The following MARCHF1 variants were observed in gnomAD, a reference collection of about 807,000 sequenced individuals.
MARCHF1 encodes membrane associated ring-CH-type finger 1, also known as E3 ubiquitin-protein ligase MARCHF1.
MARCHF1 carries 40 observed loss-of-function variants against 54.2 expected under a neutral mutation model. That is an observed-to-expected ratio of 0.74 (90% CI 0.57 to 0.96). The LOEUF is 0.96. Among genes scored for constraint, MARCHF1 ranks in the 40% least tolerant of loss-of-function variants. The pLI, the probability that MARCHF1 is intolerant of heterozygous loss-of-function variation, is 0.00. For synonymous variants in MARCHF1, 236 were observed against 236.3 expected (o/e 1.00, Z 0.01); for missense variants, 586 against 656.5 (o/e 0.89, Z 1.17).
chr4:163,645,974 G>A (rs1742745056), intron 5 of MARCHF1, among the ~76,000 whole-genome samples: 1 of 152,142 alleles, frequency 6.6e-6, no homozygotes, highest in African/African-American at 2.4e-5. Context: ...AAGGAATACT[G>A]TCTGAAAACT....
intron 2 of MARCHF1, among the ~76,000 whole-genome samples, chr4:164,029,612 T>G (rs983473661): frequency 4.4e-4 from 67 of 152,176 alleles, no homozygotes; most frequent in African/African-American, 1.6e-3. Context: ...TTTTTCTTTT[T>G]GAGATGCAGT....
chr4:163,742,189 A>G (rs1159456788), intron 4 of MARCHF1, among the ~76,000 whole-genome samples: 2 of 152,166 alleles, frequency 1.3e-5, no homozygotes, highest in East Asian at 3.8e-4. Flanking sequence ...TACCACATCC[A>G]CCAGTTGATC....
At chr4:163,864,733 A>C (rs923865317) in intron 3 of MARCHF1, among the ~76,000 whole-genome samples, 5 of 151,942 alleles carry the variant, frequency 3.3e-5, no homozygotes, top group Admixed American at 6.6e-5. Flanking sequence ...GTCGGTGAAA[A>C]CTACATCTTA....
At chr4:163,808,599 C>T (rs1284928766) in intron 4 of MARCHF1, among the ~76,000 whole-genome samples, 1 of 152,094 alleles carries the variant, frequency 6.6e-6, no homozygotes, top group Non-Finnish European at 1.5e-5. Flanking sequence ...GACAGAGTCT[C>T]CCTTTGTCAC....
chr4:163,840,401 T>C (rs1749303747), intron 4 of MARCHF1, among the ~76,000 whole-genome samples: 1 of 152,084 alleles, frequency 6.6e-6, no homozygotes, highest in Non-Finnish European at 1.5e-5. Context: ...TAAATTCAAC[T>C]TTTATTTGAT....
intron 2 of MARCHF1, among the ~76,000 whole-genome samples, chr4:164,001,505 G>T (rs572311343): frequency 4.6e-5 from 7 of 151,706 alleles, no homozygotes; most frequent in African/African-American, 1.7e-4. Context: ...TGCAACTGTC[G>T]CTATAAACTA....
At chr4:163,744,280 T>C (rs573166512) in intron 4 of MARCHF1, among the ~76,000 whole-genome samples, 1 of 152,316 alleles carries the variant, frequency 6.6e-6, no homozygotes, top group East Asian at 1.9e-4. Context: ...AGGGTTAGGT[T>C]TTTCATATTT....
chr4:163,719,788 T>C (rs1351113189), intron 4 of MARCHF1, among the ~76,000 whole-genome samples: 4 of 152,220 alleles, frequency 2.6e-5, no homozygotes, highest in Non-Finnish European at 4.4e-5. Context: ...CCAGTGATGA[T>C]GAGCATTTTT....
In MARCHF1 at chr4:163,854,128, G is replaced by A. The variant is rs1235221265; in HGVS notation, c.4C>T (p.Leu2=). 2.6e-6 allele frequency: 4 copies of A among 1,533,772 alleles called. No individual in the cohort carries two copies. In the South Asian group the frequency reaches 4.8e-5, roughly 18 times the overall value. M[L]GWCEAIARNP... ...CGGGCTATCGCTTCACACCAGCCCA[G>A]CATTTTCTCCTTCCTCTTATCCCTT... is the stretch of plus-strand genomic sequence containing the variant. Residue 2 remains leucine, a synonymous_variant, in exon 4 of 10, where the codon CTG becomes TTG. Coordinates refer to ENST00000514618, the MANE Select transcript of MARCHF1 (RefSeq NM_001394959.1).
intron 4 of MARCHF1, among the ~76,000 whole-genome samples, chr4:163,811,484 T>G (rs1748384302): frequency 6.9e-6 from 1 of 145,138 alleles, no homozygotes; most frequent in Non-Finnish European, 1.5e-5. Flanking sequence ...AGCAACATAG[T>G]GAGAAAGAAA....
At chr4:164,245,416 C>G (rs1406776216) in intron 1 of MARCHF1, among the ~76,000 whole-genome samples, 5 of 152,230 alleles carry the variant, frequency 3.3e-5, no homozygotes, top group Non-Finnish European at 5.9e-5. Context: ...ATGCTAAAAA[C>G]TCTCAATAAA....
At chr4:163,685,049 A>G (rs1244730724) in intron 5 of MARCHF1, among the ~76,000 whole-genome samples, 2 of 151,122 alleles carry the variant, frequency 1.3e-5, no homozygotes, top group East Asian at 3.9e-4. Flanking sequence ...TTATTTTGTT[A>G]GGTAAAATTT....
chr4:164,319,967 T>C (rs532322904), intron 1 of MARCHF1, among the ~76,000 whole-genome samples: 1 of 152,236 alleles, frequency 6.6e-6, no homozygotes, highest in African/African-American at 2.4e-5. Context: ...CATTTTAAGA[T>C]TAACATATGT....
chr4:163,754,866 A>G (rs1746621514), intron 4 of MARCHF1, among the ~76,000 whole-genome samples: 1 of 152,158 alleles, frequency 6.6e-6, no homozygotes, highest in African/African-American at 2.4e-5. Context: ...GGCAAATAGA[A>G]AAGGAAGCAG....
At chr4:164,251,838 C>T (rs1388329020) in intron 1 of MARCHF1, among the ~76,000 whole-genome samples, 2 of 151,936 alleles carry the variant, frequency 1.3e-5, no homozygotes, top group Non-Finnish European at 2.9e-5. Flanking sequence ...GGATAACTGA[C>T]AATTCAAATT....
intron 2 of MARCHF1, among the ~76,000 whole-genome samples, chr4:164,027,387 A>AC (rs1406897454): frequency 6.9e-6 from 1 of 145,242 alleles, no homozygotes; most frequent in African/African-American, 2.5e-5. Flanking sequence ...AAAAAAAAAA[A>AC]AAAAAAGATA....
At chr4:164,001,372 C>G (rs548850726) in intron 2 of MARCHF1, among the ~76,000 whole-genome samples, 1 of 151,658 alleles carries the variant, frequency 6.6e-6, no homozygotes, top group East Asian at 1.9e-4. Context: ...GAATGGAAAT[C>G]ATAAAATCAG....
chr4:164,348,261 T>C (rs547513901), intron 1 of MARCHF1, among the ~76,000 whole-genome samples: 7 of 152,260 alleles, frequency 4.6e-5, no homozygotes, highest in South Asian at 2.1e-4. Flanking sequence ...TTAGCCAATA[T>C]TGATTTATAA....
At chr4:163,820,090 T>C (rs945856336) in intron 4 of MARCHF1, among the ~76,000 whole-genome samples, 12 of 152,228 alleles carry the variant, frequency 7.9e-5, no homozygotes, top group Admixed American at 2.6e-4. Flanking sequence ...AAAGGAGTTA[T>C]CTATACTTAT....
Sources: gnomAD v4.1 joint callset for allele counts (sites outside exome capture counted in the v4.1 genomes callset) on GRCh38, gnomAD v4.1.1 for gene constraint, MANE v1.5 for transcripts, NCBI Gene and HGNC (gene_info 2026-07-23, HGNC 2026-07-21) for gene names.